The following ZNF883 variants were observed in gnomAD, a reference collection of about 807,000 sequenced individuals.
ZNF883 encodes the protein zinc finger protein 883.
intron 2 of ZNF883, among the ~76,000 whole-genome samples, chr9:113,007,753 G>C (rs960068465): frequency 4.6e-5 from 7 of 152,112 alleles, no homozygotes; most frequent in Non-Finnish European, 8.8e-5. Flanking sequence ...AAACATTAAG[G>C]CAAATTTCTT....
At chr9:113,000,164 G>A (rs575489719), upstream of ZNF883, among the ~76,000 whole-genome samples, 9 of 152,286 alleles carry the variant, frequency 5.9e-5, no homozygotes, top group Admixed American at 5.9e-4. Flanking sequence ...AAAAGAAATG[G>A]TAGCTTTGAG....
At chr9:112,996,891 T>TA (rs1828363042), downstream of ZNF883, among the ~76,000 whole-genome samples, 1 of 151,218 alleles carries the variant, frequency 6.6e-6, no homozygotes, top group Admixed American at 6.6e-5. Flanking sequence ...TAAATGTCTT[T>TA]AAAAAACAAA....
chr9:113,000,025 A>G (rs1299628474), upstream of ZNF883, among the ~76,000 whole-genome samples: 1 of 152,170 alleles, frequency 6.6e-6, no homozygotes, highest in African/African-American at 2.4e-5. Context: ...TGATTTTTTA[A>G]AAAGGTGTAT....
At chr9:113,008,441 G>C (rs1050506278) in intron 2 of ZNF883, among the ~76,000 whole-genome samples, 2 of 151,906 alleles carry the variant, frequency 1.3e-5, no homozygotes, top group African/African-American at 2.4e-5. Context: ...GAAATTCTAC[G>C]GATTTATGAA....
At chr9:112,998,269 A>T (rs1828385625), upstream of ZNF883, 3 of 1,516,000 alleles carry the variant, frequency 2.0e-6, no homozygotes, top group Admixed American at 6.7e-5. Context: ...TCAGTACTGA[A>T]CTATGGCTTT....
upstream of ZNF883, among the ~76,000 whole-genome samples, chr9:113,002,548 T>C (rs1445190260): frequency 6.6e-6 from 1 of 152,152 alleles, no homozygotes; most frequent in Non-Finnish European, 1.5e-5. Context: ...GCTATGGGGA[T>C]GTGGGAACTC....
downstream of ZNF883, among the ~76,000 whole-genome samples, chr9:112,996,268 A>G (rs1378062001): frequency 6.6e-6 from 1 of 152,206 alleles, no homozygotes; most frequent in East Asian, 1.9e-4. Context: ...AACCATATAT[A>G]TAGTCCATTA....
downstream of ZNF883, among the ~76,000 whole-genome samples, chr9:112,993,242 C>T (rs778800888): frequency 7.9e-5 from 12 of 152,168 alleles, no homozygotes; most frequent in Non-Finnish European, 1.6e-4. Flanking sequence ...GGCTGCTGAC[C>T]TTTGGATATG....
chr9:112,992,812 T>G (rs1446339056), downstream of ZNF883, among the ~76,000 whole-genome samples: 1 of 152,228 alleles, frequency 6.6e-6, no homozygotes, highest in Admixed American at 6.5e-5. Context: ...CCGTCTTATT[T>G]CAGCAAGATA....
chr9:112,990,478 T>C lies in ZNF883; in HGVS notation n.310-6899A>G, dbSNP rs1036498326. On this transcript the variant is annotated intron_variant and non_coding_transcript_variant, in intron 1 of 9. Coordinates refer to the ZNF883 transcript ENST00000638823. Reference sequence around the variant, plus strand: ...AGGGATAAAGCTGATTTGATATTAGTGGATAAGCATTTTGATGTGCTCCTG... The same window carrying C: ...AGGGATAAAGCTGATTTGATATTAGCGGATAAGCATTTTGATGTGCTCCTG... Among the ~76,000 whole-genome samples the C allele has an allele frequency of 2.6e-5, 4 of 152,336 alleles. No homozygotes were observed. The East Asian group carries it at 7.7e-4, about 29-fold the overall frequency.
downstream of ZNF883, among the ~76,000 whole-genome samples, chr9:112,994,172 C>T (rs1422577319): frequency 6.6e-6 from 1 of 152,170 alleles, no homozygotes; most frequent in Non-Finnish European, 1.5e-5. Flanking sequence ...TTGCACAGAT[C>T]CATGGAAAAA....
downstream of ZNF883, chr9:112,996,987 T>C (rs1395094166): frequency 1.2e-6 from 1 of 813,098 alleles, no homozygotes; most frequent in Non-Finnish European, 1.8e-6. Flanking sequence ...TTCTTCTCAG[T>C]ACAAATAGCA....
At chr9:112,997,150 A>T (rs1828367269) in exon 1 of ZNF883, 1 of 1,608,542 alleles carries the variant, frequency 6.2e-7, no homozygotes, top group South Asian at 1.1e-5. Flanking sequence ...TTCTGAAATG[A>T]GTTTTCTGAT....
chr9:112,994,360 TGC>T (rs1233655751), downstream of ZNF883, among the ~76,000 whole-genome samples: 1 of 149,476 alleles, frequency 6.7e-6, no homozygotes, highest in East Asian at 1.9e-4. Context: ...TCATGCCAAT[TGC>T]CTAGTAAGTC....
upstream of ZNF883, among the ~76,000 whole-genome samples, chr9:113,002,798 G>T (rs761308959): frequency 2.7e-4 from 41 of 152,130 alleles, no homozygotes; most frequent in Non-Finnish European, 8.8e-5. Flanking sequence ...TTCGGGAGGC[G>T]ATTAAGTCAT....
intron 2 of ZNF883, among the ~76,000 whole-genome samples, chr9:113,008,232 G>C (rs1828497491): frequency 6.6e-6 from 1 of 152,098 alleles, no homozygotes; most frequent in African/African-American, 2.4e-5. Flanking sequence ...AATGACACAA[G>C]AAAATGTACA....
chr9:112,997,416 C>A, exon 1 of ZNF883: 1 of 1,613,976 alleles, frequency 6.2e-7, no homozygotes, highest in South Asian at 1.1e-5. Flanking sequence ...TTTAGATGTT[C>A]AGTAAGGTGT....
chr9:112,992,261 T>C (rs929186046), downstream of ZNF883, among the ~76,000 whole-genome samples: 1 of 152,246 alleles, frequency 6.6e-6, no homozygotes, highest in African/African-American at 2.4e-5. Flanking sequence ...TCAGGAGCTC[T>C]TGCAAGGGAG....
At chr9:113,006,892 AT>A (rs749054640) in intron 2 of ZNF883, among the ~76,000 whole-genome samples, 1 of 137,472 alleles carries the variant, frequency 7.3e-6, no homozygotes, top group African/African-American at 2.6e-5. Context: ...GACTATGGTA[AT>A]TTTTTAAAAA....
Sources: allele counts gnomAD v4.1 joint callset (sites outside exome capture counted in the v4.1 genomes callset), GRCh38; gene constraint gnomAD v4.1.1; transcripts MANE v1.5; gene names NCBI Gene and HGNC (gene_info 2026-07-23, HGNC 2026-07-21).